SLC19A3: variants seen among roughly 807,000 people sequenced by gnomAD.
SLC19A3 encodes solute carrier family 19 member 3, also known as thiamine transporter 2.
Under a neutral mutation model 40.2 loss-of-function variants are expected in SLC19A3, and 31 were observed. The observed-to-expected ratio is 0.77, with a 90% confidence interval of 0.58 to 1.04. SLC19A3 has a LOEUF of 1.04. Among genes scored for constraint, SLC19A3 ranks in the 50% least tolerant of loss-of-function variants. The probability of loss-of-function intolerance (pLI) is 0.00; values close to 1 mark genes in which losing one functional copy is unlikely to be tolerated. For synonymous variants in SLC19A3, 212 were observed against 227.5 expected (o/e 0.93, Z 0.61); for missense variants, 592 against 596.7 (o/e 0.99, Z 0.08).
At chr2:227,690,706 CAAAAAAAAAAAAAAAAAAA>C (rs34163746) in intron 4 of SLC19A3, among the ~76,000 whole-genome samples, 1 of 39,146 alleles carries the variant, frequency 2.6e-5, no homozygotes, top group Non-Finnish European at 4.6e-5. Context: ...GACTCCATCT[CAAAAAAAAAAAAAAAAAAA>C]AAAAAAAATT....
intron 1 of SLC19A3, chr2:227,714,703 C>CAAAA (rs769256469): frequency 5.1e-5 from 9 of 177,176 alleles, no homozygotes; most frequent in Non-Finnish European, 7.0e-5. Context: ...AAATCCCATC[C>CAAAA]AAAAAAAAAA....
intron 1 of SLC19A3, chr2:227,702,533 A>G: frequency 3.7e-6 from 2 of 546,932 alleles, no homozygotes; most frequent in Non-Finnish European, 6.5e-6. Flanking sequence ...AGCTGGGATT[A>G]CAGGTGCCTG....
At chr2:227,712,519 C>G (rs1696177491) in intron 1 of SLC19A3, among the ~76,000 whole-genome samples, 1 of 152,168 alleles carries the variant, frequency 6.6e-6, no homozygotes, top group African/African-American at 2.4e-5. Context: ...GCTACAGAGG[C>G]CAGCATACCA....
intron 1 of SLC19A3, chr2:227,706,823 C>T (rs1430124979): frequency 6.6e-6 from 1 of 152,402 alleles, no homozygotes; most frequent in Non-Finnish European, 1.5e-5. Context: ...ATCAGGCTCT[C>T]ACGATTTGAA....
intron 4 of SLC19A3, 50 bp downstream of exon 4, chr2:227,695,839 A>C (rs757214825): frequency 6.4e-7 from 1 of 1,561,838 alleles, no homozygotes; most frequent in Non-Finnish European, 8.8e-7. Flanking sequence ...TTAGAAAGAC[A>C]GAAGAGAGAG....
Position 227,684,468 on chromosome 2 carries a change from G to A in SLC19A3, c.*2929C>T, listed in dbSNP as rs1020114194. On this transcript the variant is annotated 3_prime_UTR_variant, in exon 6 of 6. Coordinates refer to ENST00000644224, the MANE Select transcript of SLC19A3 (RefSeq NM_025243.4). ...GGGATTACAGGCATGGACCACACCC[G>A]GCTAATTTTGTTGTTTTTAGTACAT... 2 of 151,348 alleles carry A rather than the reference G, an allele frequency of 1.3e-5. No individual in the cohort carries two copies. The highest frequency in any genetic ancestry group is 2.9e-5 in the Non-Finnish European group (2 of 67,880). The allele number at this position is 151,348 out of a possible 1,614,324, so 9.4% of individuals were successfully genotyped here. A position where few individuals can be genotyped will look rare whatever the true frequency, so the allele number is the denominator to read the frequency against.
chr2:227,687,514 C>A lies in SLC19A3; in HGVS notation c.1374G>T (p.Met458Ile), dbSNP rs763399127. 4 of 1,614,092 alleles carry A rather than the reference C, an allele frequency of 2.5e-6. No individual in the cohort carries two copies. Among genetic ancestry groups the A allele is most frequent in the Non-Finnish European group, 2.5e-6 (3 of 1,179,970 alleles). ...GGGATTTGGTTGAGTAGGTAATATA[C>A]ATGCTTCTCATTAGGAAAATTCCAG... ...VIAGIFLMRS[M>I]YITYSTKSQK... Residue 458 changes from methionine to isoleucine, a missense_variant, in exon 6 of 6, where the codon ATG (methionine) becomes ATT (isoleucine). Coordinates refer to ENST00000644224, the MANE Select transcript of SLC19A3 (RefSeq NM_025243.4).
Position 227,698,994 on chromosome 2 carries a change from A to G in SLC19A3, c.721T>C (p.Ser241Pro). Residue 241 changes from serine to proline, a missense_variant, in exon 3 of 6, where the codon TCA becomes CCA. Transcript: ENST00000644224. Reference protein sequence around the residue: ...QKPTSEILSTSGKLNKGQLNS... With the variant: ...QKPTSEILSTPGKLNKGQLNS... ...AGCTGGCCCTTATTCAGCTTCCCTG[A>G]AGTGCTGAGTATTTCTGATGTGGGT... 1 of 1,614,196 alleles carries G rather than the reference A, an allele frequency of 6.2e-7. No individual in the cohort carries two copies.
intron 1 of SLC19A3, among the ~76,000 whole-genome samples, chr2:227,708,304 C>T (rs1696021025): frequency 6.6e-6 from 1 of 152,084 alleles, no homozygotes; most frequent in Non-Finnish European, 1.5e-5. Context: ...TACATGTTTG[C>T]AAAATTTCTT....
At position 227,717,391 on chromosome 2, in the gene SLC19A3, G is replaced by C. The variant is rs529657406; in HGVS notation, c.-3+552C>G. On this transcript the variant is annotated intron_variant, in intron 1 of 5. Coordinates refer to ENST00000644224, the MANE Select transcript of SLC19A3 (RefSeq NM_025243.4). ...CAACCTTTTGCACATTTGCGGCAGC[G>C]ACATTGATTTGGTAAACAGCTGTCA... Among the ~76,000 whole-genome samples the C allele has an allele frequency of 2.0e-5, 3 of 152,282 alleles. No homozygotes were observed. In the East Asian group the frequency reaches 5.8e-4, roughly 29 times the overall value.
At chr2:227,707,069 C>T (rs1342925653) in intron 1 of SLC19A3, among the ~76,000 whole-genome samples, 6 of 152,202 alleles carry the variant, frequency 3.9e-5, no homozygotes, top group Non-Finnish European at 8.8e-5. Flanking sequence ...GGTCTCCCTG[C>T]TGCACCTGCA....
rs944314729 is a variant in SLC19A3 at position 227,684,345 on chromosome 2, C to T, written c.*3052G>A. 6.6e-6 allele frequency: 1 copy of T among 152,138 alleles called. No homozygotes were observed. The highest frequency in any genetic ancestry group is 1.5e-5 in the Non-Finnish European group (1 of 68,038). 9.4% of individuals were successfully genotyped at this position (152,138 alleles called of 1,614,324 possible). A position where few individuals can be genotyped will look rare whatever the true frequency, so the allele number is the denominator to read the frequency against. ...TTTTTAATCCACTTTGGGTCTCACT[C>T]TGTCGCTCAGGCTGGAGTGCAGTGG... On this transcript the variant is annotated 3_prime_UTR_variant, in exon 6 of 6. Transcript: ENST00000644224.
Position 227,690,433 on chromosome 2 carries a change from C to T in SLC19A3, c.1173-2126G>A, listed in dbSNP as rs181224668. 3.3e-5 allele frequency among the ~76,000 whole-genome samples: 5 copies of T among 152,078 alleles called. 1 individual carries two copies. The highest frequency in any genetic ancestry group is 1.3e-4 in the Admixed American group (2 of 15,278). On this transcript the variant is annotated intron_variant, in intron 4 of 5. Transcript: ENST00000644224. Reference sequence around the variant, plus strand: ...TATAAAAATTGTAAATACGGCCAGGCGCGGTGGCTCATGCCTGTAATCCCA... The same window carrying T: ...TATAAAAATTGTAAATACGGCCAGGTGCGGTGGCTCATGCCTGTAATCCCA...
chr2:227,707,288 A>T (rs1039238084), intron 1 of SLC19A3, among the ~76,000 whole-genome samples: 2 of 152,206 alleles, frequency 1.3e-5, no homozygotes, highest in African/African-American at 2.4e-5. Flanking sequence ...GCTGGTAGAA[A>T]AATAATTATT....
intron 1 of SLC19A3, among the ~76,000 whole-genome samples, chr2:227,707,656 T>C (rs1409000747): frequency 1.5e-5 from 2 of 137,216 alleles, no homozygotes; most frequent in Admixed American, 7.6e-5. Flanking sequence ...TTATTTTTCA[T>C]ATTATGAAAA....
chr2:227,716,863 A>T (rs145864142), intron 1 of SLC19A3, among the ~76,000 whole-genome samples: 55 of 152,270 alleles, frequency 3.6e-4, no homozygotes, highest in African/African-American at 1.2e-3. Context: ...TACTACTAGG[A>T]TAATCTTATA....
Position 227,690,706 on chromosome 2 carries a change from CAAAAAAAA to C in SLC19A3, c.1173-2407_1173-2400del, listed in dbSNP as rs34163746. ...TGGGTGACAGACCGAGACTCCATCT[CAAAAAAAA>C]AAAAAAAAAAAAAAAAAAATTGTAA... On this transcript the variant is annotated intron_variant, in intron 4 of 5. Transcript: ENST00000644224. Among the ~76,000 whole-genome samples the C allele has an allele frequency of 3.4e-3, 133 of 39,162 alleles. 4 individuals are homozygous for C. Among genetic ancestry groups the C allele is most frequent in the African/African-American group, 0.012 (130 of 10,488 alleles). The allele number at this position is 39,162 out of a possible 152,430, so 25.7% of individuals were successfully genotyped here.
chr2:227,706,597 C>A, intron 1 of SLC19A3: 1 of 426,842 alleles, frequency 2.3e-6, no homozygotes, highest in East Asian at 5.7e-5. Context: ...AGAGTGAAAC[C>A]CCATCTCTAC....
At chr2:227,716,993 CTTTTTTTTTTTTTTTTTT>C (rs61164911) in intron 1 of SLC19A3, among the ~76,000 whole-genome samples, 1 of 67,140 alleles carries the variant, frequency 1.5e-5, no homozygotes, top group Non-Finnish European at 2.6e-5. Context: ...CATGAGAGTG[CTTTTTTTTTTTTTTTTTT>C]TTTTTTTTTG....
Sources: gnomAD v4.1 joint callset for allele counts (sites outside exome capture counted in the v4.1 genomes callset) on GRCh38, gnomAD v4.1.1 for gene constraint, MANE v1.5 for transcripts, NCBI Gene and HGNC (gene_info 2026-07-23, HGNC 2026-07-21) for gene names.